The following TSPAN19 variants were observed in gnomAD, a reference collection of about 807,000 sequenced individuals.
TSPAN19 encodes the protein tetraspanin 19, also known as tetraspanin-19.
A neutral mutation model predicts 35.1 loss-of-function variants in TSPAN19; 44 were observed. That is an observed-to-expected ratio of 1.25 (90% CI 0.98 to 1.61). TSPAN19 has a LOEUF of 1.61. Among genes scored for constraint, TSPAN19 ranks in the 40% most tolerant of loss-of-function variants. The probability of loss-of-function intolerance (pLI) is 0.00; values close to 1 mark genes in which losing one functional copy is unlikely to be tolerated. For synonymous variants in TSPAN19, 79 were observed against 92.0 expected (o/e 0.86, Z 0.81); for missense variants, 290 against 280.0 (o/e 1.04, Z -0.26).
chr12:85,025,847 C>G (rs1230208608), intron 4 of TSPAN19, among the ~76,000 whole-genome samples: 1 of 152,112 alleles, frequency 6.6e-6, no homozygotes, highest in Non-Finnish European at 1.5e-5. Context: ...AGCTTTTAGG[C>G]CTATAATATT....
intron 4 of TSPAN19, among the ~76,000 whole-genome samples, chr12:85,027,102 T>C (rs1346791383): frequency 6.6e-6 from 1 of 152,206 alleles, no homozygotes; most frequent in Admixed American, 6.5e-5. Flanking sequence ...AATTGGCTCA[T>C]GTCCAAGTCA....
intron 4 of TSPAN19, among the ~76,000 whole-genome samples, chr12:85,023,650 TAG>T (rs1360566264): frequency 6.6e-6 from 1 of 152,160 alleles, no homozygotes. Flanking sequence ...CTTGGTCCAA[TAG>T]AGTTGTCGAT....
intron 1 of TSPAN19, chr12:85,035,397 G>C (rs543762430): frequency 6.6e-6 from 1 of 152,106 alleles, no homozygotes; most frequent in African/African-American, 2.4e-5. Flanking sequence ...CTGAAACCAA[G>C]TGTAGTTTAT....
intron 2 of TSPAN19, 39 bp from the exon 3 acceptor site, chr12:85,029,830 C>T (rs750444824): frequency 2.0e-6 from 3 of 1,525,638 alleles, no homozygotes; most frequent in East Asian, 4.9e-5. Flanking sequence ...TTTGTAATTG[C>T]CTATACAATA....
At chr12:85,035,873 C>CA (rs1877975545) in intron 1 of TSPAN19, among the ~76,000 whole-genome samples, 1 of 152,056 alleles carries the variant, frequency 6.6e-6, no homozygotes, top group Admixed American at 6.6e-5. Context: ...CACATCCCTT[C>CA]AGTTAGAGGT....
chr12:85,022,435 T>C (rs1253305069), intron 5 of TSPAN19, among the ~76,000 whole-genome samples: 1 of 152,068 alleles, frequency 6.6e-6, no homozygotes, highest in Non-Finnish European at 1.5e-5. Flanking sequence ...ACCATATAAA[T>C]TAATCAGGAG....
chr12:85,024,218 G>A (rs1002345594), intron 4 of TSPAN19, among the ~76,000 whole-genome samples: 1 of 152,142 alleles, frequency 6.6e-6, no homozygotes, highest in Non-Finnish European at 1.5e-5. Flanking sequence ...GTCATTACTG[G>A]TCAAGTGCTC....
intron 7 of TSPAN19, 174 bp from the exon 8 acceptor site, chr12:85,016,145 G>A (rs561042549): frequency 7.9e-5 from 37 of 465,820 alleles, no homozygotes; most frequent in African/African-American, 7.6e-4. Context: ...ACGGCAGCAG[G>A]ACACCTCAGT....
chr12:85,027,398 C>A (rs1877466866), intron 4 of TSPAN19, among the ~76,000 whole-genome samples: 1 of 151,968 alleles, frequency 6.6e-6, no homozygotes, highest in Admixed American at 6.6e-5. Flanking sequence ...GTGCAATATA[C>A]CCATGTAACA....
At chr12:85,020,040 CTG>C (rs1592660315) in intron 5 of TSPAN19, among the ~76,000 whole-genome samples, 2 of 151,848 alleles carry the variant, frequency 1.3e-5, no homozygotes, top group East Asian at 3.9e-4. Flanking sequence ...AGGAAAAAAA[CTG>C]TAAAAGTATT....
intron 1 of TSPAN19, chr12:85,034,998 T>G (rs915974024): frequency 3.3e-5 from 5 of 152,188 alleles, no homozygotes; most frequent in African/African-American, 1.2e-4. Context: ...TATTAAAGGA[T>G]TTATAATTTT....
intron 8 of TSPAN19, chr12:85,015,429 C>T (rs549004683): frequency 6.6e-6 from 1 of 152,294 alleles, no homozygotes; most frequent in East Asian, 1.9e-4. Flanking sequence ...AATGAATGAA[C>T]ATATGAGTGA....
intron 1 of TSPAN19, 142 bp from the exon 2 acceptor site, chr12:85,030,115 AT>A (rs968124090): frequency 1.5e-6 from 1 of 671,066 alleles, no homozygotes; most frequent in Non-Finnish European, 2.1e-6. Flanking sequence ...GAAAGGATTT[AT>A]TGAAGGTATC....
In TSPAN19 at chr12:85,019,073, A is replaced by G. The variant is rs190542439; in HGVS notation, c.450+553T>C. Reference sequence around the variant, plus strand: ...AATAATCTTTAAAAATTAGCTAAAAAGTGTTAGTTGCATTTATGCCCTGGA... The same window carrying G: ...AATAATCTTTAAAAATTAGCTAAAAGGTGTTAGTTGCATTTATGCCCTGGA... On this transcript the variant is annotated intron_variant, in intron 6 of 8. Coordinates refer to ENST00000532498, the MANE Select transcript of TSPAN19 (RefSeq NM_001100917.2). Among the ~76,000 whole-genome samples, 40 of 152,088 alleles carry G rather than the reference A, an allele frequency of 2.6e-4. No homozygotes were observed. The East Asian group carries it at 4.3e-3, about 16-fold the overall frequency.
At chr12:85,026,067 G>A (rs74953618) in intron 4 of TSPAN19, among the ~76,000 whole-genome samples, 2,252 of 152,176 alleles carry the variant, frequency 0.015, 69 homozygotes, top group African/African-American at 0.052. Context: ...TTATGATGGC[G>A]TCTATCAGGC....
intron 1 of TSPAN19, among the ~76,000 whole-genome samples, chr12:85,034,066 T>C (rs1441356310): frequency 6.6e-6 from 1 of 151,972 alleles, no homozygotes; most frequent in Non-Finnish European, 1.5e-5. Context: ...TGACAGCAGC[T>C]GGGAGGGAGC....
intron 1 of TSPAN19, among the ~76,000 whole-genome samples, chr12:85,032,416 G>A (rs1008975475): frequency 1.3e-5 from 2 of 152,104 alleles, no homozygotes; most frequent in African/African-American, 4.8e-5. Flanking sequence ...AACCAATAGA[G>A]AAAGACAGTT....
At chr12:85,026,902 C>T (rs531777724) in intron 4 of TSPAN19, among the ~76,000 whole-genome samples, 87 of 152,278 alleles carry the variant, frequency 5.7e-4, no homozygotes, top group Non-Finnish European at 1.0e-3. Flanking sequence ...TCCAGGGTGA[C>T]TACCCAGACT....
intron 1 of TSPAN19, among the ~76,000 whole-genome samples, chr12:85,033,391 C>A (rs1565771286): frequency 6.6e-6 from 1 of 151,610 alleles, no homozygotes; most frequent in Non-Finnish European, 1.5e-5. Flanking sequence ...GTAATTCTGG[C>A]CTCAATGTGG....
Sources: gnomAD v4.1 joint callset for allele counts (sites outside exome capture counted in the v4.1 genomes callset) on GRCh38, gnomAD v4.1.1 for gene constraint, MANE v1.5 for transcripts, NCBI Gene and HGNC (gene_info 2026-07-23, HGNC 2026-07-21) for gene names.